Variants in ASB15 observed in about 807,000 individuals in gnomAD.
ASB15 encodes ankyrin repeat and SOCS box protein 15.
Under a neutral mutation model 58.0 loss-of-function variants are expected in ASB15, and 54 were observed. The ratio of observed to expected loss-of-function variants is 0.93; its 90% CI spans 0.75 to 1.17. ASB15 has a LOEUF of 1.17. ASB15 is among the 50% of genes most tolerant of loss of function. ASB15 has a pLI of 0.00. For synonymous variants in ASB15, 249 were observed against 262.4 expected (o/e 0.95, Z 0.50); for missense variants, 680 against 707.4 (o/e 0.96, Z 0.44).
intron 7 of ASB15, chr7:123,622,663 T>C (rs1345635911): frequency 6.6e-6 from 1 of 151,710 alleles, no homozygotes. Flanking sequence ...TTTTAATACA[T>C]TTTTTTTCTA....
intron 7 of ASB15, among the ~76,000 whole-genome samples, chr7:123,622,398 T>C (rs937316108): frequency 3.3e-5 from 5 of 152,146 alleles, no homozygotes; most frequent in Non-Finnish European, 1.5e-5. Context: ...ATTATTTCAG[T>C]CATTTATTGG....
In ASB15 at chr7:123,629,119, C is replaced by A. The variant is rs747679649; in HGVS notation, c.1125C>A (p.Asp375Glu). Residue 375 changes from aspartate to glutamate, a missense_variant, in exon 10 of 12, where the codon GAC becomes GAA. Coordinates refer to ENST00000451215, the MANE Select transcript of ASB15 (RefSeq NM_001290258.2). ...AAGTCCTTCTGGCTGCAGGTGCAGA[C>A]CCAAACTTAGATCCCCTCAACTGTC... is the stretch of plus-strand genomic sequence containing the variant. The part of the protein sequence containing the change: ...CTEVLLAAGA[D>E]PNLDPLNCLL... 21 of 1,613,922 alleles carry A rather than the reference C, an allele frequency of 1.3e-5. No homozygotes were observed. The highest frequency in any genetic ancestry group is 2.2e-5 in the South Asian group (2 of 91,082).
intron 11 of ASB15, among the ~76,000 whole-genome samples, chr7:123,636,552 T>G (rs1802436718): frequency 6.6e-6 from 1 of 152,204 alleles, no homozygotes; most frequent in South Asian, 2.1e-4. Context: ...CAAATTCTAG[T>G]TGAACACCTA....
intron 8 of ASB15, among the ~76,000 whole-genome samples, chr7:123,625,178 G>C (rs568156777): frequency 6.6e-6 from 1 of 152,132 alleles, no homozygotes; most frequent in East Asian, 1.9e-4. Flanking sequence ...TTGAAAGATC[G>C]TATTTATCTC....
chr7:123,593,719 T>A (rs993916187), intron 1 of ASB15, among the ~76,000 whole-genome samples: 2 of 152,210 alleles, frequency 1.3e-5, no homozygotes, highest in Admixed American at 6.5e-5. Context: ...CATTTTTTCC[T>A]TCATTTCAAC....
intron 1 of ASB15, among the ~76,000 whole-genome samples, chr7:123,580,269 C>T (rs919731015): frequency 5.9e-5 from 9 of 152,014 alleles, no homozygotes; most frequent in Non-Finnish European, 1.3e-4. Context: ...CAGATGAAGT[C>T]CTCAGGTGCA....
chr7:123,610,170 A>G (rs571270476), intron 3 of ASB15, among the ~76,000 whole-genome samples: 4 of 152,358 alleles, frequency 2.6e-5, no homozygotes, highest in African/African-American at 9.6e-5. Context: ...AGACTGTGAG[A>G]TATTTTCCTC....
At chr7:123,628,804 A>G in intron 9 of ASB15, 60 bp from the exon 10 acceptor site, 2 of 1,151,770 alleles carry the variant, frequency 1.7e-6, no homozygotes. Flanking sequence ...TGAGAACGGT[A>G]GTTTATTTAA....
intron 9 of ASB15, 46 bp from the exon 10 acceptor site, chr7:123,628,818 C>A (rs1210181279): frequency 3.1e-6 from 4 of 1,310,504 alleles, no homozygotes; most frequent in Non-Finnish European, 4.2e-6. Flanking sequence ...TATTTAATTT[C>A]TTGATTTTCT....
intron 1 of ASB15, among the ~76,000 whole-genome samples, chr7:123,585,635 T>TTGTG (rs35317220): frequency 1.0e-3 from 152 of 147,516 alleles, no homozygotes; most frequent in Admixed American, 4.7e-3. Context: ...TAGTTACTAT[T>TTGTG]TGTGTGTGTG....
intron 7 of ASB15, among the ~76,000 whole-genome samples, chr7:123,623,872 A>AAAATGAAAAG: frequency 1.0e-5 from 1 of 99,610 alleles, no homozygotes; most frequent in African/African-American, 3.7e-5. Context: ...TCAAAAAAAA[A>AAAATGAAAAG]AAAAGAAAAG....
chr7:123,602,399 A>G (rs934453318), intron 1 of ASB15, among the ~76,000 whole-genome samples: 1 of 152,136 alleles, frequency 6.6e-6, no homozygotes, highest in Non-Finnish European at 1.5e-5. Flanking sequence ...ACCGAATAGA[A>G]TTGGAAATTT....
At chr7:123,603,507 G>T (rs1584757702) in intron 1 of ASB15, among the ~76,000 whole-genome samples, 2 of 152,276 alleles carry the variant, frequency 1.3e-5, no homozygotes, top group African/African-American at 4.8e-5. Context: ...TCTTTAAGAG[G>T]GTTTGTAGCT....
intron 1 of ASB15, among the ~76,000 whole-genome samples, chr7:123,603,719 G>A (rs1800000817): frequency 6.6e-6 from 1 of 152,088 alleles, no homozygotes; most frequent in East Asian, 1.9e-4. Context: ...AGGAAATAAA[G>A]GCCAAATTGA....
rs1355921423 is a variant in ASB15, at chr7:123,630,029, A to G, written c.1504A>G (p.Ile502Val). 6.2e-7 allele frequency: 1 copy of G among 1,604,688 alleles called. No individual in the cohort carries two copies. The highest frequency in any genetic ancestry group is 8.5e-7 in the Non-Finnish European group (1 of 1,171,994). ...HLVGRVTRVLIDYMDYVPLCA... is the reference protein window; with the variant it reads ...HLVGRVTRVLVDYMDYVPLCA... ...GGTAGGCAGAGTTACTCGTGTACTAATAGATTACATGGATTATGTTCCTCT... is the reference window on the plus strand; with the variant it reads ...GGTAGGCAGAGTTACTCGTGTACTAGTAGATTACATGGATTATGTTCCTCT... The change falls in exon 11 of 12, where the codon ATA becomes GTA. Residue 502 changes from isoleucine (I) to valine (V), a missense_variant. By Grantham distance (29) the Ile-to-Val change is conservative (BLOSUM62 3). Transcript: ENST00000451215.
intron 1 of ASB15, among the ~76,000 whole-genome samples, chr7:123,572,528 A>G (rs1798941167): frequency 6.6e-6 from 1 of 151,816 alleles, no homozygotes; most frequent in Admixed American, 6.6e-5. Flanking sequence ...TCAGGTTCAT[A>G]TAAGTTTACC....
At chr7:123,622,195 A>T (rs1801374824) in intron 7 of ASB15, among the ~76,000 whole-genome samples, 1 of 152,200 alleles carries the variant, frequency 6.6e-6, no homozygotes, top group African/African-American at 2.4e-5. Context: ...TATACATTTT[A>T]AAAATTAATA....
intron 2 of ASB15, among the ~76,000 whole-genome samples, chr7:123,606,709 G>C (rs1478072543): frequency 6.6e-6 from 1 of 152,038 alleles, no homozygotes; most frequent in African/African-American, 2.4e-5. Context: ...CACAATATTT[G>C]TCTCTCTGTA....
chr7:123,629,943 T>C (rs747293353), intron 10 of ASB15, 23 bp from the exon 11 acceptor site: 5 of 1,520,880 alleles, frequency 3.3e-6, no homozygotes, highest in Non-Finnish European at 4.5e-6. Context: ...TACTACTAAA[T>C]TAAATTTTAT....
Sources: gnomAD v4.1 joint callset for allele counts (sites outside exome capture counted in the v4.1 genomes callset) on GRCh38, gnomAD v4.1.1 for gene constraint, MANE v1.5 for transcripts, NCBI Gene and HGNC (gene_info 2026-07-23, HGNC 2026-07-21) for gene names.